The following VWA3B variants were observed in gnomAD, a reference collection of about 807,000 sequenced individuals.
The protein encoded by VWA3B is von Willebrand factor A domain containing 3B, also known as von Willebrand factor A domain-containing protein 3B.
VWA3B carries 138 observed loss-of-function variants against 158.3 expected under a neutral mutation model. That is an observed-to-expected ratio of 0.87 (90% CI 0.76 to 1.00). The LOEUF (loss-of-function observed/expected upper bound fraction) is 1.00. VWA3B is among the 50% of genes least tolerant of loss of function. The pLI is 0.00. For synonymous variants in VWA3B, 596 were observed against 587.3 expected (o/e 1.01, Z -0.21); for missense variants, 1,555 against 1,565.1 (o/e 0.99, Z 0.11).
Position 98,203,053 on chromosome 2 carries a change from G to C in VWA3B, c.1737+8561G>C, listed in dbSNP as rs553587451. Among the ~76,000 whole-genome samples, 4 of 152,266 alleles carry C rather than the reference G, an allele frequency of 2.6e-5. No individual in the cohort carries two copies. In the South Asian group the frequency reaches 8.3e-4, roughly 32 times the overall value. ...TCTCCATGTTGGCCAGGATGTTCTCGATTTCCTGACTTTGTGATCTGCCCG... is the reference window on the plus strand; with the variant it reads ...TCTCCATGTTGGCCAGGATGTTCTCCATTTCCTGACTTTGTGATCTGCCCG... On this transcript the variant is annotated intron_variant, in intron 12 of 27. Coordinates refer to ENST00000477737, the MANE Select transcript of VWA3B (RefSeq NM_144992.5).
intron 21 of VWA3B, chr2:98,269,374 C>T (rs1247676460): frequency 6.6e-6 from 1 of 152,140 alleles, no homozygotes; most frequent in Non-Finnish European, 1.5e-5. Flanking sequence ...CCTGGTGTCT[C>T]TCTGAAGTAC....
chr2:98,166,907 T>A (rs576654734), intron 8 of VWA3B, among the ~76,000 whole-genome samples: 59 of 152,038 alleles, frequency 3.9e-4, no homozygotes, highest in Middle Eastern at 3.2e-3. Context: ...AAAAGGAAAG[T>A]TTGGCTGGGA....
chr2:98,169,539 C>T (rs946914432), intron 8 of VWA3B, among the ~76,000 whole-genome samples: 4 of 152,014 alleles, frequency 2.6e-5, no homozygotes, highest in East Asian at 3.9e-4. Flanking sequence ...TCTAACCATA[C>T]GTATGTCAAA....
chr2:98,185,524 C>T (rs1015372753), intron 9 of VWA3B, among the ~76,000 whole-genome samples: 5 of 152,184 alleles, frequency 3.3e-5, no homozygotes, highest in African/African-American at 9.7e-5. Flanking sequence ...CCTAGCAGTC[C>T]ACTCAGCCCC....
chr2:98,199,482 C>A (rs1682344836), intron 12 of VWA3B, among the ~76,000 whole-genome samples: 1 of 152,184 alleles, frequency 6.6e-6, no homozygotes, highest in South Asian at 2.1e-4. Flanking sequence ...AGAGCATCAG[C>A]ATTTTCTTGT....
chr2:98,206,531 G>A (rs902996548), intron 12 of VWA3B: 1 of 500,958 alleles, frequency 2.0e-6, no homozygotes, highest in Admixed American at 2.3e-5. Context: ...CCTGGATTCT[G>A]GTGCACCAAT....
chr2:98,205,134 A>C (rs1682909145), intron 12 of VWA3B, among the ~76,000 whole-genome samples: 1 of 152,186 alleles, frequency 6.6e-6, no homozygotes, highest in South Asian at 2.1e-4. Flanking sequence ...TTAATGAATT[A>C]ATTCTCTAGT....
rs563226214 is a variant in VWA3B, at chr2:98,298,875, T to A, written c.3282+844T>A. Among the ~76,000 whole-genome samples, 89 of 152,326 alleles carry A rather than the reference T, an allele frequency of 5.8e-4. 1 individual carries two copies. Among genetic ancestry groups the A allele is most frequent in the African/African-American group, 2.0e-3 (85 of 41,578 alleles). On this transcript the variant is annotated intron_variant, in intron 24 of 27. Transcript: ENST00000477737. The stretch of plus-strand genomic sequence containing the variant: ...GACTACCCCTTATCTGGATGAAGGA[T>A]TTGGTCTGTGGCTAATTAAAGGCTG...
intron 19 of VWA3B, among the ~76,000 whole-genome samples, chr2:98,244,180 A>G (rs1308969423): frequency 6.6e-6 from 1 of 152,174 alleles, no homozygotes; most frequent in Non-Finnish European, 1.5e-5. Context: ...TACAATAGCC[A>G]TTTTGGGATG....
At chr2:98,319,876 TCACACA>T in the VWA3B span, among the ~76,000 whole-genome samples, 366 of 147,398 alleles carry the variant, frequency 2.5e-3, 3 homozygotes, top group East Asian at 8.8e-3. Flanking sequence ...TGAGACTCCA[TCACACA>T]CACACACACA....
At chr2:98,118,680 A>G (rs778022312) in intron 3 of VWA3B, among the ~76,000 whole-genome samples, 9 of 152,124 alleles carry the variant, frequency 5.9e-5, no homozygotes, top group Non-Finnish European at 1.3e-4. Context: ...AGCAACGGCT[A>G]CCCTCTTTGG....
At chr2:98,144,370 T>C (rs1677011774) in intron 7 of VWA3B, among the ~76,000 whole-genome samples, 1 of 152,070 alleles carries the variant, frequency 6.6e-6, no homozygotes. Context: ...TTCTCTTCTG[T>C]AATCCTAATT....
chr2:98,300,315 A>T (rs913474846), intron 25 of VWA3B, 99 bp downstream of exon 25: 25 of 1,536,748 alleles, frequency 1.6e-5, no homozygotes, highest in Non-Finnish European at 1.9e-5. Context: ...CCCTGGCTGC[A>T]TCTGCTGCCC....
At chr2:98,236,300 C>T (rs1685672250) in intron 17 of VWA3B, 90 bp from the exon 18 acceptor site, 1 of 1,379,250 alleles carries the variant, frequency 7.3e-7, no homozygotes, top group South Asian at 1.2e-5. Flanking sequence ...CTCTCAGTCA[C>T]AGCTGGACTG....
rs374127703 is a variant in VWA3B at position 98,201,596 on chromosome 2, T to C, written c.1737+7104T>C. 3.3e-4 allele frequency among the ~76,000 whole-genome samples: 50 copies of C among 152,316 alleles called. No homozygotes were observed. The East Asian group carries it at 5.4e-3, about 16-fold the overall frequency. On this transcript the variant is annotated intron_variant, in intron 12 of 27. Transcript: ENST00000477737. ...GGGGAAACATTCAATCTTTCACTAT[T>C]AAATACTTTGCTAGCTGTGAGGTTT...
rs535930365 is a variant in VWA3B at position 98,268,130 on chromosome 2, A to C, written c.2844-2552A>C. Among the ~76,000 whole-genome samples, 3 of 143,036 alleles carry C rather than the reference A, an allele frequency of 2.1e-5. No individual in the cohort carries two copies. In the East Asian group the frequency reaches 5.8e-4, roughly 28 times the overall value. The allele number at this position is 143,036 out of a possible 152,430, so 93.8% of individuals were successfully genotyped here. A position where few individuals can be genotyped will look rare whatever the true frequency, so the allele number is the denominator to read the frequency against. The stretch of plus-strand genomic sequence containing the variant: ...AGAGGTACAAGGAGGAACTGGTACC[A>C]TTCCTTCTGAAACTATTCCAATCAA... On this transcript the variant is annotated intron_variant, in intron 21 of 27. Coordinates refer to ENST00000477737, the MANE Select transcript of VWA3B (RefSeq NM_144992.5).
chr2:98,216,966 G>C (rs1348940329), intron 13 of VWA3B: 1 of 1,255,574 alleles, frequency 8.0e-7, no homozygotes, highest in East Asian at 5.9e-5. Flanking sequence ...AGACTGTCAT[G>C]TGTATCATTG....
intron 19 of VWA3B, among the ~76,000 whole-genome samples, chr2:98,237,185 G>A (rs1220814974): frequency 6.6e-6 from 1 of 152,142 alleles, no homozygotes; most frequent in Non-Finnish European, 1.5e-5. Flanking sequence ...CAAAAACAAC[G>A]AAAATAAGAA....
intron 8 of VWA3B, 108 bp downstream of exon 8, chr2:98,163,084 C>T (rs1387820039): frequency 5.9e-6 from 9 of 1,520,236 alleles, no homozygotes; most frequent in African/African-American, 2.8e-5. Flanking sequence ...AGCCCAGCTG[C>T]GAGGGGCTGC....
Sources: allele counts gnomAD v4.1 joint callset (sites outside exome capture counted in the v4.1 genomes callset), GRCh38; gene constraint gnomAD v4.1.1; transcripts MANE v1.5; gene names NCBI Gene and HGNC (gene_info 2026-07-23, HGNC 2026-07-21).